Variants in MTMR6 observed in about 807,000 individuals in gnomAD.
The protein encoded by MTMR6 is phosphatidylinositol-3,5-bisphosphate 3-phosphatase MTMR6.
A neutral mutation model predicts 80.1 loss-of-function variants in MTMR6; 47 were observed. The ratio of observed to expected loss-of-function variants is 0.59; its 90% CI spans 0.46 to 0.75. MTMR6 has a LOEUF of 0.75. MTMR6 is among the 30% of genes least tolerant of loss of function. MTMR6 has a pLI of 0.00. For synonymous variants in MTMR6, 254 were observed against 253.0 expected (o/e 1.00, Z -0.04); for missense variants, 629 against 730.9 (o/e 0.86, Z 1.61).
At chr13:25,269,196 C>T (rs1451274327) in intron 2 of MTMR6, among the ~76,000 whole-genome samples, 6 of 152,158 alleles carry the variant, frequency 3.9e-5, no homozygotes, top group South Asian at 2.1e-4. Flanking sequence ...GCACCTAACA[C>T]AGTACCTGGA....
At chr13:25,260,740 AT>A in intron 6 of MTMR6, 1 of 954,874 alleles carries the variant, frequency 1.0e-6, no homozygotes, top group Non-Finnish European at 1.4e-6. Flanking sequence ...GATTTTAATT[AT>A]TTTAGTTTCA....
intron 1 of MTMR6, among the ~76,000 whole-genome samples, chr13:25,280,606 G>A (rs1300094845): frequency 1.3e-5 from 2 of 152,306 alleles, no homozygotes; most frequent in East Asian, 3.9e-4. Flanking sequence ...TTTTACAGAT[G>A]TTGCTACAGA....
chr13:25,255,282 G>GT (rs1957175181), intron 9 of MTMR6, among the ~76,000 whole-genome samples: 1 of 152,216 alleles, frequency 6.6e-6, no homozygotes, highest in African/African-American at 2.4e-5. Flanking sequence ...TCACCACTTT[G>GT]TGTGACCTTG....
Position 25,249,395 on chromosome 13 carries a change from A to G in MTMR6, c.1703T>C (p.Leu568Pro). Residue 568 changes from leucine to proline, a missense_variant, in exon 14 of 14, where the codon CTG becomes CCG. Coordinates refer to ENST00000381801, the MANE Select transcript of MTMR6 (RefSeq NM_004685.5). ...HPESPNLKTS[L>P]CFKEQTLLPV... The stretch of plus-strand genomic sequence containing the variant: ...TAGCAGAGTCTGCTCTTTAAAACAC[A>G]GGGAAGTTTTGAGGTTAGGTGATTC... 6.2e-7 allele frequency: 1 copy of G among 1,614,158 alleles called. No homozygotes were observed. Among genetic ancestry groups the G allele is most frequent in the South Asian group, 1.1e-5 (1 of 91,084 alleles).
At chr13:25,267,516 A>G (rs1957484572) in intron 3 of MTMR6, among the ~76,000 whole-genome samples, 1 of 152,196 alleles carries the variant, frequency 6.6e-6, no homozygotes, top group Non-Finnish European at 1.5e-5. Context: ...GACTTAAAAG[A>G]TTAATATAAA....
At chr13:25,252,772 A>G (rs1171103508) in intron 11 of MTMR6, among the ~76,000 whole-genome samples, 1 of 152,142 alleles carries the variant, frequency 6.6e-6, no homozygotes, top group African/African-American at 2.4e-5. Flanking sequence ...ATAATAAACT[A>G]TTTTGAATCA....
chr13:25,266,906 A>G (rs2137572169), intron 3 of MTMR6, among the ~76,000 whole-genome samples: 1 of 152,322 alleles, frequency 6.6e-6, no homozygotes, highest in African/African-American at 2.4e-5. Context: ...AGTCCGACAT[A>G]TAATTCAAGT....
intron 1 of MTMR6, among the ~76,000 whole-genome samples, chr13:25,282,018 C>T (rs535841187): frequency 6.6e-6 from 1 of 152,288 alleles, no homozygotes; most frequent in African/African-American, 2.4e-5. Flanking sequence ...TTCAAGACTA[C>T]AGTAACTTGC....
At chr13:25,277,490 G>A (rs1393893743) in intron 1 of MTMR6, among the ~76,000 whole-genome samples, 1 of 152,174 alleles carries the variant, frequency 6.6e-6, no homozygotes. Context: ...ATTCCCCCAG[G>A]TGAAAACCAG....
chr13:25,274,975 C>CACACACACACACACAT (rs1957684598), intron 1 of MTMR6, among the ~76,000 whole-genome samples: 2 of 143,786 alleles, frequency 1.4e-5, no homozygotes, highest in African/African-American at 2.8e-5. Flanking sequence ...CACACACACA[C>CACACACACACACACAT]ACACACACAC....
chr13:25,287,085 GC>G, intron 1 of MTMR6, 138 bp downstream of exon 1: 1 of 1,287,940 alleles, frequency 7.8e-7, no homozygotes, highest in South Asian at 1.3e-5. Context: ...ACCAGGCCTG[GC>G]CAGACCCTCC....
chr13:25,283,193 T>C (rs933290652), intron 1 of MTMR6, among the ~76,000 whole-genome samples: 3 of 152,136 alleles, frequency 2.0e-5, no homozygotes, highest in Admixed American at 6.5e-5. Flanking sequence ...TATTATTCTG[T>C]GAGGCAAGAG....
chr13:25,258,966 T>G (rs562583552), intron 6 of MTMR6, among the ~76,000 whole-genome samples: 1 of 152,316 alleles, frequency 6.6e-6, no homozygotes, highest in Non-Finnish European at 1.5e-5. Context: ...TTAGGCAGTT[T>G]CCATATGTTT....
At chr13:25,276,503 A>C (rs1957731134) in intron 1 of MTMR6, among the ~76,000 whole-genome samples, 1 of 152,238 alleles carries the variant, frequency 6.6e-6, no homozygotes, top group Non-Finnish European at 1.5e-5. Flanking sequence ...TGAAGATCAT[A>C]AATATTCCTG....
intron 9 of MTMR6, among the ~76,000 whole-genome samples, chr13:25,255,417 A>G (rs960127569): frequency 2.0e-5 from 3 of 152,220 alleles, no homozygotes; most frequent in Non-Finnish European, 4.4e-5. Context: ...AGAGCCAGAG[A>G]GCAGCACCAT....
chr13:25,275,814 T>C (rs906761095), intron 1 of MTMR6, among the ~76,000 whole-genome samples: 3 of 143,544 alleles, frequency 2.1e-5, no homozygotes, highest in Non-Finnish European at 1.5e-5. Flanking sequence ...TGAGCCAAGA[T>C]TGCACCACTG....
intron 2 of MTMR6, among the ~76,000 whole-genome samples, chr13:25,268,864 G>T (rs1431312028): frequency 6.6e-6 from 1 of 152,184 alleles, no homozygotes; most frequent in Non-Finnish European, 1.5e-5. Context: ...AGGCATCCCT[G>T]TGCTCTTGGG....
intron 1 of MTMR6, among the ~76,000 whole-genome samples, chr13:25,285,833 C>T (rs1957944799): frequency 1.3e-5 from 2 of 152,150 alleles, no homozygotes; most frequent in South Asian, 2.1e-4. Flanking sequence ...CGTGCCCAGC[C>T]TTTTACCGGT....
At chr13:25,266,733 C>T (rs1044853867) in intron 3 of MTMR6, among the ~76,000 whole-genome samples, 4 of 152,156 alleles carry the variant, frequency 2.6e-5, no homozygotes, top group Non-Finnish European at 5.9e-5. Context: ...GCAACTGTTG[C>T]ACAGAACTCT....
Sources: gnomAD v4.1 joint callset for allele counts (sites outside exome capture counted in the v4.1 genomes callset) on GRCh38, gnomAD v4.1.1 for gene constraint, MANE v1.5 for transcripts, NCBI Gene and HGNC (gene_info 2026-07-23, HGNC 2026-07-21) for gene names.